The following C3orf49 variants were observed in gnomAD, a reference collection of about 807,000 sequenced individuals.
C3orf49 encodes chromosome 3 open reading frame 49.
In C3orf49, 27 loss-of-function variants were observed where a neutral mutation model predicts 13.3. The observed-to-expected ratio is 2.02, with a 90% confidence interval of 1.49 to 2.79. C3orf49 has a LOEUF of 2.79. Among genes scored for constraint, C3orf49 ranks in the 30% most tolerant of loss-of-function variants. The pLI, the probability that C3orf49 is intolerant of heterozygous loss-of-function variation, is 0.00. For missense variants in C3orf49, 242 were observed against 134.2 expected (o/e 1.80, Z -3.97); for synonymous variants, 87 against 47.6 (o/e 1.83, Z -3.40).
chr3:63,807,512 CTGAGATGCTTTCATGATTCAGGAT>C, the C3orf49 span, among the ~76,000 whole-genome samples: 3 of 152,038 alleles, frequency 2.0e-5, no homozygotes, highest in Non-Finnish European at 4.4e-5. Flanking sequence ...TTTCAAATGA[CTGAGATGCTTTCATGATTCAGGAT>C]GAACTTCTCT....
At chr3:63,835,522 T>C (rs926863229) in intron 5 of C3orf49, 6 of 641,300 alleles carry the variant, frequency 9.4e-6, no homozygotes, top group African/African-American at 5.5e-5. Flanking sequence ...TAACACTCCA[T>C]TATGGTGAAA....
In C3orf49 at chr3:63,823,554, A is replaced by C. The variant is rs1035927349; in HGVS notation, c.430A>C (p.Lys144Gln). Residue 144 changes from lysine (K) to glutamine (Q), a missense_variant, in exon 2 of 7, where the codon AAG (lysine) becomes CAG (glutamine). Transcript: ENST00000295896. Reference sequence around the variant, plus strand: ...CAAGTTATTTACAGCAAAAATGAGAAAGCTCTCAGAGAATGGTAATCATAT... The same window carrying C: ...CAAGTTATTTACAGCAAAAATGAGACAGCTCTCAGAGAATGGTAATCATAT... ...SPKLFTAKMR[K>Q]LSENATIQLD... is the part of the protein sequence containing the mutation. 2.9e-6 allele frequency: 2 copies of C among 698,310 alleles called. No homozygotes were observed. Among genetic ancestry groups the C allele is most frequent in the African/African-American group, 1.8e-5 (1 of 56,868 alleles). 43.3% of individuals were successfully genotyped at this position (698,310 alleles called of 1,614,324 possible).
upstream of C3orf49, among the ~76,000 whole-genome samples, chr3:63,817,575 A>G (rs575475523): frequency 4.2e-4 from 64 of 152,256 alleles, no homozygotes; most frequent in African/African-American, 1.4e-3. Context: ...TTACCCGCCC[A>G]AGGACCCATA....
the C3orf49 span, among the ~76,000 whole-genome samples, chr3:63,800,887 A>T: frequency 6.6e-6 from 1 of 152,116 alleles, no homozygotes; most frequent in South Asian, 2.1e-4. Flanking sequence ...ACTGCTGCAC[A>T]ATTGTGCCAA....
At chr3:63,842,851 G>A (rs1433824998) in intron 5 of C3orf49, among the ~76,000 whole-genome samples, 3 of 152,060 alleles carry the variant, frequency 2.0e-5, no homozygotes, top group African/African-American at 7.2e-5. Flanking sequence ...GCATGATCTC[G>A]GCTCACTGCA....
Position 63,822,097 on chromosome 3 carries a change from T to A in C3orf49, c.126-1153T>A, listed in dbSNP as rs1234071027. 2.6e-5 allele frequency among the ~76,000 whole-genome samples: 4 copies of A among 152,092 alleles called. No individual in the cohort carries two copies. The East Asian group carries it at 7.7e-4, about 29-fold the overall frequency. ...TTCACAACATTCTCCTGCCTCAGCC[T>A]CCCAAGTAGCTGGGACTACAGGCGC... On this transcript the variant is annotated intron_variant, in intron 1 of 6. Coordinates refer to ENST00000295896, the MANE Select transcript of C3orf49 (RefSeq NM_001355236.2).
chr3:63,784,531 C>T, the C3orf49 span, among the ~76,000 whole-genome samples: 1 of 152,254 alleles, frequency 6.6e-6, no homozygotes, highest in East Asian at 1.9e-4. Context: ...ATGCATACAG[C>T]TGACTTTAAG....
At chr3:63,782,403 A>C in the C3orf49 span, 2 of 152,202 alleles carry the variant, frequency 1.3e-5, no homozygotes, top group African/African-American at 2.4e-5. Context: ...TTCAAGGTCA[A>C]ACTAAAATAT....
chr3:63,834,057 G>A, intron 5 of C3orf49: 1 of 1,448,418 alleles, frequency 6.9e-7, no homozygotes, highest in Non-Finnish European at 9.6e-7. Context: ...TATCTCAAGA[G>A]CATACCACAT....
At chr3:63,801,385 A>T in the C3orf49 span, among the ~76,000 whole-genome samples, 1 of 151,484 alleles carries the variant, frequency 6.6e-6, no homozygotes, top group East Asian at 1.9e-4. Context: ...AGACAAAAAT[A>T]AAAAAAAACA....
At chr3:63,841,291 C>T (rs910759827) in intron 5 of C3orf49, among the ~76,000 whole-genome samples, 4 of 152,072 alleles carry the variant, frequency 2.6e-5, no homozygotes, top group African/African-American at 9.7e-5. Flanking sequence ...CTTGTAATAG[C>T]GGTTATTTCT....
intron 5 of C3orf49, chr3:63,839,921 C>A (rs2107126977): frequency 1.6e-6 from 1 of 612,746 alleles, no homozygotes; most frequent in East Asian, 2.9e-5. Context: ...TTAAAAATGG[C>A]TAGCTAAAAT....
intron 5 of C3orf49, among the ~76,000 whole-genome samples, chr3:63,839,162 C>A (rs1354861169): frequency 6.6e-6 from 1 of 152,048 alleles, no homozygotes; most frequent in African/African-American, 2.4e-5. Context: ...TGCACTCCAG[C>A]CTGAACAACA....
chr3:63,831,097 A>G lies in C3orf49; in HGVS notation c.571-13A>G. On this transcript the variant is annotated splice_polypyrimidine_tract_variant and intron_variant, in intron 3 of 6. Transcript: ENST00000295896. ...TAGTTCCTAATCTGATGTGTTTTGC[A>G]TTTTTACCATAGGGGCCATATTCAC... The G allele has an allele frequency of 1.4e-6, 1 of 695,212 alleles. No individual in the cohort carries two copies. The highest frequency in any genetic ancestry group is 2.6e-6 in the Non-Finnish European group (1 of 383,174). 43.1% of individuals were successfully genotyped at this position (695,212 alleles called of 1,614,324 possible).
At position 63,823,422 on chromosome 3, in the gene C3orf49, A is replaced by G. The variant is rs1301040551; in HGVS notation, c.298A>G (p.Ser100Gly). 1.4e-6 allele frequency: 1 copy of G among 703,074 alleles called. No homozygotes were observed. Among genetic ancestry groups the G allele is most frequent in the Non-Finnish European group, 2.6e-6 (1 of 385,062 alleles). 43.6% of individuals were successfully genotyped at this position (703,074 alleles called of 1,614,324 possible). ...FGRMLSYKYR[S>G]KPACASQEGS... ...GAGGATGCTGTCCTACAAGTATAGA[A>G]GCAAGCCAGCATGTGCCAGCCAAGA... The change falls in exon 2 of 7, where the codon AGC (serine) becomes GGC (glycine). Residue 100 changes from serine to glycine, a missense_variant. Transcript: ENST00000295896.
At chr3:63,807,874 A>AAAAAG in the C3orf49 span, among the ~76,000 whole-genome samples, 5 of 150,154 alleles carry the variant, frequency 3.3e-5, no homozygotes, top group African/African-American at 1.2e-4. Flanking sequence ...AAAAAAAAAA[A>AAAAAG]AAAAGAAAGA....
chr3:63,836,936 T>C (rs1451246300), intron 5 of C3orf49, among the ~76,000 whole-genome samples: 2 of 151,922 alleles, frequency 1.3e-5, no homozygotes, highest in Admixed American at 6.6e-5. Context: ...AAAGCCTCAT[T>C]AACCAACGAA....
chr3:63,833,982 A>T (rs2107111872), intron 5 of C3orf49: 1 of 683,290 alleles, frequency 1.5e-6, no homozygotes, highest in South Asian at 2.4e-5. Context: ...TTCCTTTGTG[A>T]GAGGAAATAT....
At chr3:63,841,096 G>A (rs995010981) in intron 5 of C3orf49, among the ~76,000 whole-genome samples, 24 of 152,182 alleles carry the variant, frequency 1.6e-4, no homozygotes, top group African/African-American at 5.8e-4. Flanking sequence ...AAAGAATAGT[G>A]CAGATATACT....
Sources: gnomAD v4.1 joint callset for allele counts (sites outside exome capture counted in the v4.1 genomes callset) on GRCh38, gnomAD v4.1.1 for gene constraint, MANE v1.5 for transcripts, NCBI Gene and HGNC (gene_info 2026-07-23, HGNC 2026-07-21) for gene names.